The following GRM7 variants were observed in gnomAD, a reference collection of about 807,000 sequenced individuals.
GRM7 encodes glutamate metabotropic receptor 7.
In GRM7, 35 loss-of-function variants were observed where a neutral mutation model predicts 84.5. That is an observed-to-expected ratio of 0.41 (90% confidence interval 0.32 to 0.55). GRM7 has a LOEUF of 0.55. Ranked by LOEUF, GRM7 falls within the 20% of genes least tolerant of loss-of-function variation. The pLI, the probability that GRM7 is intolerant of heterozygous loss-of-function variation, is 0.19. For synonymous variants in GRM7, 487 were observed against 455.1 expected, an observed-to-expected ratio of 1.07 and a Z score of -0.89; for missense variants, 1,003 against 1,194.6, an observed-to-expected ratio of 0.84 and a Z score of 2.36.
chr3:7,690,176 C>T (rs1410089455), intron 9 of GRM7, among the ~76,000 whole-genome samples: 2 of 152,072 alleles, frequency 1.3e-5, no homozygotes, highest in Non-Finnish European at 2.9e-5. Context: ...TGAAGCATAC[C>T]GTTTTCGGGA....
At chr3:7,446,473 T>C (rs1443418671) in intron 5 of GRM7, among the ~76,000 whole-genome samples, 1 of 149,906 alleles carries the variant, frequency 6.7e-6, no homozygotes, top group East Asian at 1.9e-4. Context: ...TGTTTTTTTT[T>C]TTTTTGAGAC....
At chr3:7,576,876 C>G (rs1694989638) in intron 7 of GRM7, among the ~76,000 whole-genome samples, 2 of 152,186 alleles carry the variant, frequency 1.3e-5, no homozygotes, top group Admixed American at 6.5e-5. Flanking sequence ...AGTATTTTAA[C>G]ATAGATAAAT....
At chr3:7,381,783 G>A (rs952137739) in intron 4 of GRM7, among the ~76,000 whole-genome samples, 1 of 152,046 alleles carries the variant, frequency 6.6e-6, no homozygotes. Flanking sequence ...TTATTATTTT[G>A]GTTTTGATTA....
chr3:7,435,438 G>C (rs1411557262), intron 5 of GRM7, among the ~76,000 whole-genome samples: 1 of 152,030 alleles, frequency 6.6e-6, no homozygotes, highest in African/African-American at 2.4e-5. Context: ...TTACAGGTAT[G>C]AGCCATTGTG....
At chr3:7,018,034 T>C (rs1472782371) in intron 1 of GRM7, among the ~76,000 whole-genome samples, 1 of 152,214 alleles carries the variant, frequency 6.6e-6, no homozygotes, top group Non-Finnish European at 1.5e-5. Context: ...CACTATCCAA[T>C]AAAAATGTGA....
intron 4 of GRM7, among the ~76,000 whole-genome samples, chr3:7,403,797 G>GTA (rs992461927): frequency 2.6e-4 from 39 of 150,818 alleles, no homozygotes; most frequent in African/African-American, 9.0e-4. Flanking sequence ...GTGAATATAT[G>GTA]TATATATATA....
intron 1 of GRM7, among the ~76,000 whole-genome samples, chr3:7,038,159 A>T (rs1343505811): frequency 6.6e-6 from 1 of 152,186 alleles, no homozygotes; most frequent in Non-Finnish European, 1.5e-5. Flanking sequence ...GACAAAGCTG[A>T]TGCCTAGTAC....
At chr3:7,476,532 C>T (rs528949853) in intron 7 of GRM7, among the ~76,000 whole-genome samples, 8 of 151,874 alleles carry the variant, frequency 5.3e-5, no homozygotes, top group South Asian at 2.1e-4. Flanking sequence ...GGTGACAGTT[C>T]GAGACTCCAC....
intron 9 of GRM7, among the ~76,000 whole-genome samples, chr3:7,729,869 C>CT (rs1168461157): frequency 0.69 from 48,319 of 69,902 alleles, 17,476 homozygotes; most frequent in East Asian, 0.76. Context: ...CCACCTCCGG[C>CT]TTTTTTTTTT....
intron 1 of GRM7, among the ~76,000 whole-genome samples, chr3:7,066,677 C>A (rs534270188): frequency 6.6e-6 from 1 of 151,874 alleles, no homozygotes; most frequent in Non-Finnish European, 1.5e-5. Context: ...AGCTATGAAG[C>A]CAGCATCATC....
chr3:7,610,212 G>A (rs1696786932), intron 8 of GRM7, among the ~76,000 whole-genome samples: 1 of 152,082 alleles, frequency 6.6e-6, no homozygotes, highest in African/African-American at 2.4e-5. Flanking sequence ...ATCCTTAGCG[G>A]TCCAGTTATC....
intron 8 of GRM7, among the ~76,000 whole-genome samples, chr3:7,592,108 G>A (rs1013706447): frequency 6.6e-6 from 1 of 152,136 alleles, no homozygotes; most frequent in East Asian, 1.9e-4. Flanking sequence ...ATATATATGT[G>A]TGTGTAGCTA....
In GRM7 at chr3:7,309,075, A is replaced by G. The variant is rs183601300; in HGVS notation, c.1033+2423A>G. ...AGTTCATATGAAATTTTCTAATCTC[A>G]CCCAGAGAAGAGTGAAGATTTTTTG... On this transcript the variant is annotated intron_variant, in intron 4 of 9. Coordinates refer to ENST00000357716, the MANE Select transcript of GRM7 (RefSeq NM_000844.4). Among the ~76,000 whole-genome samples, 8 of 152,296 alleles carry G rather than the reference A, an allele frequency of 5.3e-5. No homozygotes were observed. In the East Asian group the frequency reaches 1.5e-3, roughly 29 times the overall value.
At chr3:6,888,448 A>C (rs1028925087) in intron 1 of GRM7, among the ~76,000 whole-genome samples, 3 of 152,152 alleles carry the variant, frequency 2.0e-5, no homozygotes, top group Admixed American at 2.0e-4. Flanking sequence ...CTTTCTACAT[A>C]TGGCTGGCCA....
chr3:7,594,906 T>A (rs1695965861), intron 8 of GRM7, among the ~76,000 whole-genome samples: 1 of 151,936 alleles, frequency 6.6e-6, no homozygotes, highest in African/African-American at 2.4e-5. Context: ...AAGGGTGTGG[T>A]AAAAGTGCCT....
rs555068628 is a variant in GRM7 at position 7,473,798 on chromosome 3, A to G, written c.1515+12076A>G. 3.3e-5 allele frequency among the ~76,000 whole-genome samples: 5 copies of G among 152,274 alleles called. No individual in the cohort carries two copies. In the East Asian group the frequency reaches 9.7e-4, roughly 29 times the overall value. ...TTCAGAAAAGGGACTATTTATCCCT[A>G]TGGTAACTTATTTTCATGACTGATT... On this transcript the variant is annotated intron_variant, in intron 7 of 9. Transcript: ENST00000357716.
At chr3:7,536,162 G>A (rs897873992) in intron 7 of GRM7, among the ~76,000 whole-genome samples, 1 of 152,154 alleles carries the variant, frequency 6.6e-6, no homozygotes, top group Non-Finnish European at 1.5e-5. Flanking sequence ...CTTGGTTTCT[G>A]AAGTCTGCTC....
At chr3:7,680,374 T>C (rs1442623365) in intron 9 of GRM7, 79 bp downstream of exon 9, 4 of 1,442,040 alleles carry the variant, frequency 2.8e-6, no homozygotes, top group East Asian at 2.3e-5. Flanking sequence ...CTTGCCTCTC[T>C]GGAGAAATAC....
intron 1 of GRM7, among the ~76,000 whole-genome samples, chr3:7,118,503 C>A (rs1212452711): frequency 1.3e-5 from 2 of 148,544 alleles, no homozygotes; most frequent in South Asian, 2.2e-4. Context: ...TTTGAACTTT[C>A]CTCTAAAAAA....
Sources: gnomAD v4.1 joint callset for allele counts (sites outside exome capture counted in the v4.1 genomes callset) on GRCh38, gnomAD v4.1.1 for gene constraint, MANE v1.5 for transcripts, NCBI Gene and HGNC (gene_info 2026-07-23, HGNC 2026-07-21) for gene names.